Variants in DNM2 observed in about 807,000 individuals in gnomAD.
The protein encoded by DNM2 is dynamin 2, also known as dynamin-2.
DNM2 carries 15 observed loss-of-function variants against 99.0 expected under a neutral mutation model. The ratio of observed to expected loss-of-function variants is 0.15; its 90% CI spans 0.10 to 0.23. The LOEUF (loss-of-function observed/expected upper bound fraction) is 0.23, where lower values mean the gene tolerates loss of function less well. DNM2 is among the 10% of genes least tolerant of loss of function. The pLI is 1.00. For missense variants in DNM2, 742 were observed against 1,189.4 expected, an observed-to-expected ratio of 0.62 and a Z score of 5.53; for synonymous variants, 525 against 481.2, an observed-to-expected ratio of 1.09 and a Z score of -1.19.
At chr19:10,776,019 G>C in intron 4 of DNM2, 113 bp downstream of exon 4, 1 of 1,327,562 alleles carries the variant, frequency 7.5e-7, no homozygotes, top group Non-Finnish European at 1.0e-6. Context: ...GCCGCTGTAG[G>C]AAAAGGCCTC....
chr19:10,739,145 C>A (rs756151286), intron 1 of DNM2, among the ~76,000 whole-genome samples: 39 of 152,270 alleles, frequency 2.6e-4, no homozygotes, highest in Middle Eastern at 3.4e-3. Context: ...TGCACTCCAG[C>A]CTGGGCGACA....
At chr19:10,802,711 C>CT in intron 12 of DNM2, 1 of 375,842 alleles carries the variant, frequency 2.7e-6, no homozygotes, top group South Asian at 2.3e-5. Flanking sequence ...TTCCCAGACT[C>CT]TGCCACTTCA....
In DNM2 at chr19:10,759,731, C is replaced by G. The variant is rs148318860; in HGVS notation, c.162-7C>G. ...GAGTAATTTCTGTCCCTCTCCCCCC[C>G]TCACAGGGACTTCCTTCCCCGCGGT... is the stretch of plus-strand genomic sequence containing the variant. On this transcript the variant is annotated splice_polypyrimidine_tract_variant and splice_region_variant and intron_variant, in intron 1 of 20. Transcript: ENST00000389253. 6 of 1,614,054 alleles carry G rather than the reference C, an allele frequency of 3.7e-6. No homozygotes were observed. The Admixed American group carries it at 5.0e-5, about 13-fold the overall frequency.
intron 11 of DNM2, among the ~76,000 whole-genome samples, chr19:10,800,878 C>G (rs1281730607): frequency 6.6e-6 from 1 of 152,248 alleles, no homozygotes; most frequent in Non-Finnish European, 1.5e-5. Context: ...CACATGAGAC[C>G]TTTCTAGCTT....
chr19:10,764,518 A>G lies in DNM2; in HGVS notation c.235+4707A>G, dbSNP rs2070734081. 2.6e-5 allele frequency among the ~76,000 whole-genome samples: 4 copies of G among 152,136 alleles called. No homozygotes were observed. In the South Asian group the frequency reaches 8.3e-4, roughly 32 times the overall value. On this transcript the variant is annotated intron_variant, in intron 2 of 20. Transcript: ENST00000389253. The surrounding 1 kb of genome is among the most constrained non-coding windows in gnomAD (Gnocchi z 4.1). ...CCCTCACTGGGAAGCAGCCCCGTAA[A>G]CTCTGAGTGCCTGGGACTGTTCCTG...
chr19:10,793,972 TGTG>T, intron 8 of DNM2, 117 bp downstream of exon 8: 3 of 1,547,066 alleles, frequency 1.9e-6, no homozygotes, highest in South Asian at 1.1e-5. Flanking sequence ...GGCCTGAACT[TGTG>T]GTGGGCAGGG....
In DNM2 at chr19:10,816,340, C is replaced by T. The variant is rs1415350272; in HGVS notation, c.1672-3640C>T. Among the ~76,000 whole-genome samples the T allele has an allele frequency of 2.0e-5, 3 of 152,216 alleles. No homozygotes were observed. Among genetic ancestry groups the T allele is most frequent in the Admixed American group, 1.3e-4 (2 of 15,288 alleles). On this transcript the variant is annotated intron_variant, in intron 15 of 20. Transcript: ENST00000389253. The surrounding 1 kb of genome is among the most constrained non-coding windows in gnomAD (Gnocchi z 4.6). ...AACCTCAGGAGCCCTGAGGCTTCTGCGGGACTCTGGGGCGCTGTTTCTAAA... is the reference window on the plus strand; with the variant it reads ...AACCTCAGGAGCCCTGAGGCTTCTGTGGGACTCTGGGGCGCTGTTTCTAAA...
chr19:10,757,186 G>A (rs908032075), intron 1 of DNM2, among the ~76,000 whole-genome samples: 1 of 152,108 alleles, frequency 6.6e-6, no homozygotes, highest in African/African-American at 2.4e-5. Flanking sequence ...GGTCTTCGTA[G>A]CCCTGTTGCC....
intron 6 of DNM2, chr19:10,786,303 C>T (rs1949334768): frequency 5.5e-6 from 3 of 549,354 alleles, no homozygotes; most frequent in Admixed American, 2.9e-5. Context: ...TCCTCCAAGG[C>T]GTGGATAGGC....
intron 5 of DNM2, 112 bp from the exon 6 acceptor site, chr19:10,782,848 T>G: frequency 5.5e-6 from 8 of 1,443,328 alleles, no homozygotes; most frequent in Non-Finnish European, 5.8e-6. Context: ...ATGACAGCTG[T>G]GAGTGCCTCG....
intron 1 of DNM2, among the ~76,000 whole-genome samples, chr19:10,722,885 C>A (rs186137027): frequency 4.5e-4 from 69 of 152,104 alleles, no homozygotes; most frequent in African/African-American, 1.6e-3. Context: ...CATCAGTCTC[C>A]CAACGTGCTG....
At chr19:10,724,615 G>A (rs1215788648) in intron 1 of DNM2, among the ~76,000 whole-genome samples, 3 of 152,182 alleles carry the variant, frequency 2.0e-5, no homozygotes. Flanking sequence ...GGCCAGTTTA[G>A]CAGGCCAGTG....
Position 10,718,153 on chromosome 19 carries a change from G to C in DNM2, c.-90G>C, listed in dbSNP as rs2068815562. ...TTGCCGAGGCCCGGGCGGGCGGGGA[G>C]CAACGGCTACAGACGCCGCGGGGCC... On this transcript the variant is annotated 5_prime_UTR_variant, in exon 1 of 21. Coordinates refer to ENST00000389253, the MANE Select transcript of DNM2 (RefSeq NM_001005361.3). The C allele has an allele frequency of 8.0e-7, 1 of 1,255,962 alleles. No homozygotes were observed. Among genetic ancestry groups the C allele is most frequent in the Non-Finnish European group, 1.0e-6 (1 of 997,510 alleles). The allele number at this position is 1,255,962 out of a possible 1,614,324, so 77.8% of individuals were successfully genotyped here.
At chr19:10,747,701 G>A (rs1020923101) in intron 1 of DNM2, among the ~76,000 whole-genome samples, 5 of 152,206 alleles carry the variant, frequency 3.3e-5, no homozygotes, top group African/African-American at 1.2e-4. Flanking sequence ...GGGCCGATAC[G>A]GGACCCTGCG....
intron 1 of DNM2, among the ~76,000 whole-genome samples, chr19:10,721,406 C>G (rs2068937174): frequency 6.6e-6 from 1 of 152,146 alleles, no homozygotes; most frequent in African/African-American, 2.4e-5. Flanking sequence ...ATCCGCCCAC[C>G]TCGGCCACCC....
chr19:10,791,494 A>G (rs2071750510), intron 7 of DNM2, among the ~76,000 whole-genome samples: 1 of 152,136 alleles, frequency 6.6e-6, no homozygotes, highest in Non-Finnish European at 1.5e-5. Flanking sequence ...AAATAAGAGT[A>G]CATTCCGAGG....
chr19:10,825,276 T>C (rs2073104889), intron 18 of DNM2, 55 bp downstream of exon 18: 11 of 1,605,834 alleles, frequency 6.9e-6, no homozygotes, highest in Non-Finnish European at 9.4e-6. Context: ...GGCTCACGCC[T>C]GTAATCCCAG....
rs543078429 is a variant in DNM2 at position 10,743,666 on chromosome 19, C to T, written c.162-16072C>T. On this transcript the variant is annotated intron_variant, in intron 1 of 20. Coordinates refer to ENST00000389253, the MANE Select transcript of DNM2 (RefSeq NM_001005361.3). The stretch of plus-strand genomic sequence containing the variant: ...TCTACTAAAAATACAAAAAATTAGC[C>T]GGGTGTGGTGGCGGGTGCTTGTAGT... Among the ~76,000 whole-genome samples, 13 of 151,766 alleles carry T rather than the reference C, an allele frequency of 8.6e-5. No individual in the cohort carries two copies. The East Asian group carries it at 9.7e-4, about 11-fold the overall frequency.
At chr19:10,826,621 C>T (rs1055786875) in intron 18 of DNM2, among the ~76,000 whole-genome samples, 2 of 152,212 alleles carry the variant, frequency 1.3e-5, no homozygotes, top group Non-Finnish European at 2.9e-5. Context: ...AGCAGTGGCT[C>T]ATGCCTGTAA....
Sources: allele counts gnomAD v4.1 joint callset (sites outside exome capture counted in the v4.1 genomes callset), GRCh38; gene constraint gnomAD v4.1.1; non-coding constraint Gnocchi (gnomAD v3.1); transcripts MANE v1.5; gene names NCBI Gene and HGNC (gene_info 2026-07-23, HGNC 2026-07-21).